The following NSMCE2 variants were observed in gnomAD, a reference collection of about 807,000 sequenced individuals.
The protein encoded by NSMCE2 is NSE2 SUMO ligase component of SMC5/6 complex.
Under a neutral mutation model 23.8 loss-of-function variants are expected in NSMCE2, and 24 were observed. The ratio of observed to expected loss-of-function variants is 1.01; its 90% CI spans 0.73 to 1.42. The LOEUF is 1.42. Ranked by LOEUF, NSMCE2 falls within the 40% of genes most tolerant of loss-of-function variation. NSMCE2 has a pLI of 0.00. For synonymous variants in NSMCE2, 92 were observed against 94.1 expected (o/e 0.98, Z 0.13); for missense variants, 284 against 296.5 (o/e 0.96, Z 0.31).
intron 5 of NSMCE2, among the ~76,000 whole-genome samples, chr8:125,327,809 G>A (rs1387228414): frequency 6.6e-6 from 1 of 152,096 alleles, no homozygotes; most frequent in Admixed American, 6.6e-5. Flanking sequence ...TTAAAGGCAT[G>A]ACTGTATTAG....
chr8:125,312,255 A>G (rs1469943824), intron 5 of NSMCE2, among the ~76,000 whole-genome samples: 1 of 152,170 alleles, frequency 6.6e-6, no homozygotes, highest in East Asian at 1.9e-4. Context: ...AGAAACATTA[A>G]CATTTCAGAT....
chr8:125,230,112 G>GT (rs1825260510), intron 5 of NSMCE2, among the ~76,000 whole-genome samples: 1 of 152,154 alleles, frequency 6.6e-6, no homozygotes, highest in Admixed American at 6.5e-5. Context: ...CTTGCAGATT[G>GT]TATGTAGTTC....
chr8:125,141,946 A>C (rs1820393498), intron 3 of NSMCE2, among the ~76,000 whole-genome samples: 2 of 152,086 alleles, frequency 1.3e-5, no homozygotes, highest in African/African-American at 4.8e-5. Flanking sequence ...GGGGAGGGGT[A>C]TGGTGTTTAC....
intron 5 of NSMCE2, among the ~76,000 whole-genome samples, chr8:125,263,624 C>G (rs1405145730): frequency 2.0e-5 from 3 of 152,078 alleles, no homozygotes; most frequent in Non-Finnish European, 4.4e-5. Context: ...GTAGCACGCG[C>G]CTATAATCCC....
At chr8:125,113,872 G>T (rs1336404323) in intron 3 of NSMCE2, among the ~76,000 whole-genome samples, 1 of 152,178 alleles carries the variant, frequency 6.6e-6, no homozygotes, top group Non-Finnish European at 1.5e-5. Context: ...AATGAGTGAG[G>T]TTTAGCAGGT....
intron 3 of NSMCE2, among the ~76,000 whole-genome samples, chr8:125,116,292 G>A (rs1036033741): frequency 1.3e-5 from 2 of 152,222 alleles, no homozygotes; most frequent in Non-Finnish European, 2.9e-5. Flanking sequence ...TGGCAAGGCA[G>A]TATGGCACAC....
At chr8:125,286,398 C>T (rs71510325) in intron 5 of NSMCE2, among the ~76,000 whole-genome samples, 68,568 of 151,460 alleles carry the variant, frequency 0.45, 18,586 homozygotes, top group Non-Finnish European at 0.59. Context: ...CTGCAACCTC[C>T]GCCTCCTGGG....
chr8:125,333,608 G>A (rs1183405344), intron 5 of NSMCE2, among the ~76,000 whole-genome samples: 1 of 127,758 alleles, frequency 7.8e-6, no homozygotes, highest in African/African-American at 2.9e-5. Context: ...TCCGCCTCCC[G>A]GGTTCACGCC....
At chr8:125,093,534 CAATAAATAAATA>C (rs559764219) in intron 1 of NSMCE2, among the ~76,000 whole-genome samples, 4 of 151,588 alleles carry the variant, frequency 2.6e-5, no homozygotes, top group African/African-American at 9.7e-5. Flanking sequence ...ACTAAAAATA[CAATAAATAAATA>C]AATAAATAAA....
At chr8:125,172,469 T>A (rs934584987) in intron 4 of NSMCE2, among the ~76,000 whole-genome samples, 3 of 152,198 alleles carry the variant, frequency 2.0e-5, no homozygotes, top group African/African-American at 7.2e-5. Flanking sequence ...CAACAAAATG[T>A]TTCCTCCTAA....
chr8:125,195,443 ATATCT>A (rs1470206762), intron 5 of NSMCE2, among the ~76,000 whole-genome samples: 5 of 152,192 alleles, frequency 3.3e-5, no homozygotes, highest in African/African-American at 1.2e-4. Flanking sequence ...CCATACAAAC[ATATCT>A]TAGCATAGTC....
At chr8:125,254,989 AT>A (rs530020053) in intron 5 of NSMCE2, among the ~76,000 whole-genome samples, 59 of 152,236 alleles carry the variant, frequency 3.9e-4, no homozygotes, top group African/African-American at 1.4e-3. Context: ...TGCCAATAGA[AT>A]ATGGCAGAAA....
intron 3 of NSMCE2, among the ~76,000 whole-genome samples, chr8:125,131,193 C>T (rs560678553): frequency 1.3e-5 from 2 of 152,226 alleles, no homozygotes; most frequent in East Asian, 3.9e-4. Flanking sequence ...TTTTTGGATA[C>T]ATTATAATTC....
At chr8:125,179,022 C>G (rs1279107186) in intron 4 of NSMCE2, among the ~76,000 whole-genome samples, 2 of 152,110 alleles carry the variant, frequency 1.3e-5, no homozygotes, top group Admixed American at 6.5e-5. Flanking sequence ...TTGGACTTGC[C>G]CTGATCTTGG....
At chr8:125,166,909 GTCCTAGCTAC>G (rs1821912323) in intron 4 of NSMCE2, among the ~76,000 whole-genome samples, 1 of 152,222 alleles carries the variant, frequency 6.6e-6, no homozygotes, top group Non-Finnish European at 1.5e-5. Flanking sequence ...TGCACCTGTA[GTCCTAGCTAC>G]TCATGAGGCC....
chr8:125,152,677 G>T (rs1174092848), intron 4 of NSMCE2, among the ~76,000 whole-genome samples: 1 of 152,110 alleles, frequency 6.6e-6, no homozygotes, highest in African/African-American at 2.4e-5. Context: ...AAGAAAACAA[G>T]ATTTTGGAGT....
At chr8:125,295,547 GC>G (rs966794472) in intron 5 of NSMCE2, among the ~76,000 whole-genome samples, 106 of 152,248 alleles carry the variant, frequency 7.0e-4, no homozygotes, top group African/African-American at 2.4e-3. Flanking sequence ...TCTTCATTGG[GC>G]TGCACACCCC....
chr8:125,159,607 G>A (rs1292517388), intron 4 of NSMCE2, among the ~76,000 whole-genome samples: 3 of 152,174 alleles, frequency 2.0e-5, no homozygotes, highest in Non-Finnish European at 4.4e-5. Flanking sequence ...TCGTTAAGCA[G>A]TGCATGACTA....
At chr8:125,153,540 C>T (rs1351310968) in intron 4 of NSMCE2, among the ~76,000 whole-genome samples, 2 of 151,976 alleles carry the variant, frequency 1.3e-5, no homozygotes, top group South Asian at 2.1e-4. Flanking sequence ...TTTTAGTGAG[C>T]GATAAGAATG....
Sources: allele counts gnomAD v4.1 joint callset (sites outside exome capture counted in the v4.1 genomes callset), GRCh38; gene constraint gnomAD v4.1.1; transcripts MANE v1.5; gene names NCBI Gene and HGNC (gene_info 2026-07-23, HGNC 2026-07-21).